Variants in PPFIA2 observed in about 807,000 individuals in gnomAD.
The protein encoded by PPFIA2 is liprin-alpha-2.
A neutral mutation model predicts 175.5 loss-of-function variants in PPFIA2; 46 were observed. The ratio of observed to expected loss-of-function variants is 0.26; its 90% confidence interval spans 0.21 to 0.34. The LOEUF is 0.34. Ranked by LOEUF, PPFIA2 falls within the 10% of genes least tolerant of loss-of-function variation. PPFIA2 has a pLI of 1.00. For synonymous variants in PPFIA2, 568 were observed against 511.4 expected, an observed-to-expected ratio of 1.11 and a Z score of -1.49; for missense variants, 1,179 against 1,506.1, an observed-to-expected ratio of 0.78 and a Z score of 3.60.
At chr12:81,746,073 A>G (rs1213854753) in intron 3 of PPFIA2, among the ~76,000 whole-genome samples, 1 of 144,848 alleles carries the variant, frequency 6.9e-6, no homozygotes, top group East Asian at 2.1e-4. Context: ...TCCTGCAAAT[A>G]AAGTCTTGTG....
intron 4 of PPFIA2, among the ~76,000 whole-genome samples, chr12:81,649,216 C>T (rs1360171792): frequency 6.6e-6 from 1 of 152,100 alleles, no homozygotes; most frequent in African/African-American, 2.4e-5. Context: ...CTGATAATGG[C>T]TTTGTCCACT....
At position 81,372,513 on chromosome 12, in the gene PPFIA2, GAAA is replaced by G. The variant is rs3075257; in HGVS notation, c.1266+2118_1266+2120del. On this transcript the variant is annotated intron_variant, in intron 11 of 32. Coordinates refer to ENST00000549396, the MANE Select transcript of PPFIA2 (RefSeq NM_003625.5). ...GAAATATCAGAAACAAATTGAAACA[GAAA>G]AAAAAAAAAAAAACAGATATAAAAA... Among the ~76,000 whole-genome samples the G allele has an allele frequency of 3.1e-3, 287 of 93,670 alleles. 2 individuals carry two copies. In the East Asian group the frequency reaches 0.036, roughly 12 times the overall value. The allele number at this position is 93,670 out of a possible 152,430, so 61.5% of individuals were successfully genotyped here. A position where few individuals can be genotyped will look rare whatever the true frequency, so the allele number is the denominator to read the frequency against.
chr12:81,610,957 G>A (rs1421026567), intron 4 of PPFIA2, among the ~76,000 whole-genome samples: 1 of 152,122 alleles, frequency 6.6e-6, no homozygotes, highest in Non-Finnish European at 1.5e-5. Context: ...GTGAATTCTT[G>A]GGCTTGTTTT....
intron 4 of PPFIA2, among the ~76,000 whole-genome samples, chr12:81,665,186 T>G (rs1025971350): frequency 2.6e-5 from 4 of 151,906 alleles, no homozygotes; most frequent in African/African-American, 9.7e-5. Context: ...TCAAGTGTAA[T>G]AAAAATAAAC....
chr12:81,402,551 T>C (rs1259547089), intron 8 of PPFIA2, among the ~76,000 whole-genome samples: 1 of 152,046 alleles, frequency 6.6e-6, no homozygotes, highest in Admixed American at 6.6e-5. Context: ...TCAAGAAATG[T>C]CAGGTAAAAA....
chr12:81,700,616 G>C (rs1203288099), intron 3 of PPFIA2, among the ~76,000 whole-genome samples: 1 of 151,978 alleles, frequency 6.6e-6, no homozygotes, highest in Non-Finnish European at 1.5e-5. Flanking sequence ...AAGATTACTA[G>C]TTCCACTTCT....
At chr12:81,648,891 G>T (rs1567713256) in intron 4 of PPFIA2, among the ~76,000 whole-genome samples, 1 of 151,000 alleles carries the variant, frequency 6.6e-6, no homozygotes, top group East Asian at 1.9e-4. Flanking sequence ...AGAAATCATA[G>T]TTTTTTTTTA....
At chr12:81,366,040 TC>T (rs1302748517) in intron 14 of PPFIA2, among the ~76,000 whole-genome samples, 1 of 115,684 alleles carries the variant, frequency 8.6e-6, no homozygotes, top group African/African-American at 3.3e-5. Context: ...CTTCCCTCCC[TC>T]CCTCTTCCCT....
intron 3 of PPFIA2, among the ~76,000 whole-genome samples, chr12:81,702,011 A>G (rs972061406): frequency 1.3e-5 from 2 of 152,104 alleles, no homozygotes; most frequent in East Asian, 3.9e-4. Flanking sequence ...AACAACAGGA[A>G]GCTGAAGACT....
chr12:81,292,095 G>C (rs947917047), intron 24 of PPFIA2, among the ~76,000 whole-genome samples: 1 of 151,904 alleles, frequency 6.6e-6, no homozygotes, highest in Admixed American at 6.6e-5. Flanking sequence ...AATTACACTG[G>C]TAAATAAAAA....
intron 4 of PPFIA2, among the ~76,000 whole-genome samples, chr12:81,648,119 C>T (rs2066451649): frequency 6.6e-6 from 1 of 150,820 alleles, no homozygotes; most frequent in Non-Finnish European, 1.5e-5. Context: ...AAGGTTAGTT[C>T]AACAACTGAA....
chr12:81,494,139 C>T (rs1294251998), intron 4 of PPFIA2, among the ~76,000 whole-genome samples: 1 of 151,800 alleles, frequency 6.6e-6, no homozygotes, highest in Non-Finnish European at 1.5e-5. Context: ...AAGAAACTAC[C>T]ATCAGAGTGA....
chr12:81,376,080 G>A lies in PPFIA2; in HGVS notation c.985-138C>T, dbSNP rs1215249227. The A allele has an allele frequency of 5.2e-5, 42 of 805,982 alleles. No homozygotes were observed. The South Asian group carries it at 6.0e-4, about 12-fold the overall frequency. 49.9% of individuals were successfully genotyped at this position (805,982 alleles called of 1,614,324 possible). A position where few individuals can be genotyped will look rare whatever the true frequency, so the allele number is the denominator to read the frequency against. ...ACTCATTCCTTTCTTTTCATTGAAC[G>A]AATGTGAGATTGCAGGTGCATGTTC... On this transcript the variant is annotated intron_variant, in intron 9 of 32. Transcript: ENST00000549396.
chr12:81,367,223 A>C, intron 13 of PPFIA2, 53 bp from the exon 14 acceptor site: 1 of 1,117,872 alleles, frequency 8.9e-7, no homozygotes, highest in East Asian at 3.0e-5. Context: ...TAAAATACTT[A>C]AAAATATATT....
intron 4 of PPFIA2, among the ~76,000 whole-genome samples, chr12:81,560,237 GGTATGTGTGTGTGTGTCTGTGTGTAT>G (rs2069744096): frequency 6.6e-6 from 1 of 151,394 alleles, no homozygotes; most frequent in South Asian, 2.1e-4. Context: ...TGTGGTGGGG[GGTATGTGTGTGTGTGTCTGTGTGTAT>G]GTGTGTGTGT....
At chr12:81,306,441 G>A (rs1403210476) in intron 22 of PPFIA2, among the ~76,000 whole-genome samples, 1 of 151,514 alleles carries the variant, frequency 6.6e-6, no homozygotes, top group Admixed American at 6.6e-5. Flanking sequence ...AAGAAAATAT[G>A]TGTAATATGA....
At chr12:81,386,585 G>A (rs1209034868) in intron 8 of PPFIA2, among the ~76,000 whole-genome samples, 4 of 151,422 alleles carry the variant, frequency 2.6e-5, no homozygotes, top group African/African-American at 4.9e-5. Flanking sequence ...TTGCATTAGC[G>A]CACTCCAGCC....
chr12:81,743,984 C>T (rs2082693259), intron 3 of PPFIA2, among the ~76,000 whole-genome samples: 1 of 152,046 alleles, frequency 6.6e-6, no homozygotes, highest in Non-Finnish European at 1.5e-5. Flanking sequence ...AATGTTTGCC[C>T]TTCATAATCA....
At position 81,649,992 on chromosome 12, in the gene PPFIA2, C is replaced by G. The variant is rs535772935; in HGVS notation, c.303+26799G>C. Among the ~76,000 whole-genome samples the G allele has an allele frequency of 5.3e-5, 8 of 151,918 alleles. No individual in the cohort carries two copies. The South Asian group carries it at 1.5e-3, about 28-fold the overall frequency. On this transcript the variant is annotated intron_variant, in intron 4 of 32. Coordinates refer to ENST00000549396, the MANE Select transcript of PPFIA2 (RefSeq NM_003625.5). ...ACTACATACATTTTTCAAAACTAAT[C>G]AAATTATGTTTTTGTTTTTGTTTTT...
Sources: gnomAD v4.1 joint callset for allele counts (sites outside exome capture counted in the v4.1 genomes callset) on GRCh38, gnomAD v4.1.1 for gene constraint, MANE v1.5 for transcripts, NCBI Gene and HGNC (gene_info 2026-07-23, HGNC 2026-07-21) for gene names.